The following CLSTN2 variants were observed in gnomAD, a reference collection of about 807,000 sequenced individuals.
CLSTN2 encodes calsyntenin 2.
In CLSTN2, 48 loss-of-function variants were observed where a neutral mutation model predicts 101.2. The observed-to-expected ratio is 0.47, with a 90% CI of 0.38 to 0.60. The LOEUF is 0.60. Ranked by LOEUF, CLSTN2 falls within the 20% of genes least tolerant of loss-of-function variation. The pLI is 0.00. For missense variants in CLSTN2, 1,160 were observed against 1,238.2 expected, an observed-to-expected ratio of 0.94 and a Z score of 0.95; for synonymous variants, 481 against 463.6, an observed-to-expected ratio of 1.04 and a Z score of -0.48.
intron 1 of CLSTN2, among the ~76,000 whole-genome samples, chr3:140,001,649 T>C (rs1489733029): frequency 1.3e-5 from 2 of 152,122 alleles, no homozygotes; most frequent in Non-Finnish European, 2.9e-5. Flanking sequence ...AAGCTATTTT[T>C]AAATGTACAA....
chr3:140,414,347 T>A (rs1041524501), intron 4 of CLSTN2, among the ~76,000 whole-genome samples: 1 of 152,060 alleles, frequency 6.6e-6, no homozygotes, highest in Non-Finnish European at 1.5e-5. Flanking sequence ...GTGAAATATC[T>A]GTACACAGAA....
chr3:140,110,356 T>C (rs2009133836), intron 1 of CLSTN2, among the ~76,000 whole-genome samples: 1 of 152,158 alleles, frequency 6.6e-6, no homozygotes, highest in African/African-American at 2.4e-5. Flanking sequence ...AAGAGAAACC[T>C]CAGAGCCTAT....
At chr3:140,444,172 G>A (rs1933024727) in intron 5 of CLSTN2, among the ~76,000 whole-genome samples, 1 of 152,198 alleles carries the variant, frequency 6.6e-6, no homozygotes. Context: ...TATGTGGCCT[G>A]TAATTCTAGC....
intron 1 of CLSTN2, among the ~76,000 whole-genome samples, chr3:140,104,213 G>A (rs539808420): frequency 3.3e-5 from 5 of 152,298 alleles, no homozygotes; most frequent in African/African-American, 7.2e-5. Flanking sequence ...GATGACCTGG[G>A]TTTTTCCACA....
intron 10 of CLSTN2, among the ~76,000 whole-genome samples, chr3:140,549,828 T>G (rs1251741365): frequency 1.3e-5 from 2 of 150,694 alleles, no homozygotes; most frequent in African/African-American, 4.9e-5. Flanking sequence ...CTTTTGTGAT[T>G]AAGGAAATTC....
At chr3:140,071,061 C>A (rs2008383502) in intron 1 of CLSTN2, among the ~76,000 whole-genome samples, 1 of 151,990 alleles carries the variant, frequency 6.6e-6, no homozygotes, top group East Asian at 1.9e-4. Flanking sequence ...TTTATAAATA[C>A]ACACTACTTA....
chr3:140,523,233 T>C (rs1215078965), intron 8 of CLSTN2, among the ~76,000 whole-genome samples: 1 of 152,208 alleles, frequency 6.6e-6, no homozygotes, highest in Non-Finnish European at 1.5e-5. Context: ...CAGTGTTTAT[T>C]CTGGGACCCG....
In CLSTN2 at chr3:140,466,778, G is replaced by T. The variant is rs773454188; in HGVS notation, c.1344+47G>T. ...TGCTGCTACTCATGCCTCTGCGGGG[G>T]TGGCCAGTCCAATCCAATGGTGATG... On this transcript the variant is annotated intron_variant, in intron 8 of 16. Transcript: ENST00000458420. The T allele has an allele frequency of 6.8e-6, 11 of 1,611,002 alleles. No individual in the cohort carries two copies. The East Asian group carries it at 1.8e-4, about 26-fold the overall frequency.
chr3:140,427,183 AAATAT>A (rs1364528633), intron 5 of CLSTN2, among the ~76,000 whole-genome samples: 4,701 of 83,618 alleles, frequency 0.056, 460 homozygotes, highest in African/African-American at 0.29. Context: ...CAAAAAAAAA[AAATAT>A]ATATATATAT....
In CLSTN2 at chr3:140,305,277, G is replaced by T. The variant is rs2087101834; in HGVS notation, c.233-98352G>T. Among the ~76,000 whole-genome samples, 6 of 152,070 alleles carry T rather than the reference G, an allele frequency of 3.9e-5. No homozygotes were observed. In the South Asian group the frequency reaches 1.2e-3, roughly 32 times the overall value. ...ATATATTATATAATAGCCTGTTCATGCTCATTTCCAACAAGGAGCAAAATT... is the reference window on the plus strand; with the variant it reads ...ATATATTATATAATAGCCTGTTCATTCTCATTTCCAACAAGGAGCAAAATT... On this transcript the variant is annotated intron_variant, in intron 2 of 16. Transcript: ENST00000458420.
intron 5 of CLSTN2, among the ~76,000 whole-genome samples, chr3:140,426,435 T>C (rs937446179): frequency 1.3e-5 from 2 of 152,244 alleles, no homozygotes; most frequent in African/African-American, 4.8e-5. Context: ...GCTCCATCCA[T>C]GTCCCTGCAA....
At chr3:140,157,356 C>T (rs529770788) in intron 1 of CLSTN2, among the ~76,000 whole-genome samples, 1 of 152,216 alleles carries the variant, frequency 6.6e-6, no homozygotes, top group African/African-American at 2.4e-5. Flanking sequence ...AGCTGTGAAT[C>T]CATCTGGTCT....
At chr3:139,970,445 A>G (rs895562518) in intron 1 of CLSTN2, among the ~76,000 whole-genome samples, 1 of 152,230 alleles carries the variant, frequency 6.6e-6, no homozygotes, top group Non-Finnish European at 1.5e-5. Flanking sequence ...CTAGTTCTAA[A>G]ATACAAAACA....
intron 2 of CLSTN2, among the ~76,000 whole-genome samples, chr3:140,178,992 T>C (rs1369381180): frequency 6.6e-6 from 1 of 152,056 alleles, no homozygotes; most frequent in South Asian, 2.1e-4. Flanking sequence ...CCCCCTTTAA[T>C]TTTTTTTAAG....
At chr3:140,367,556 C>T (rs2087806520) in intron 2 of CLSTN2, among the ~76,000 whole-genome samples, 1 of 147,194 alleles carries the variant, frequency 6.8e-6, no homozygotes, top group African/African-American at 2.5e-5. Flanking sequence ...AATTCAGCTA[C>T]AGGGAAATGT....
At chr3:140,171,803 GTATTATA>G (rs1432897584) in intron 1 of CLSTN2, among the ~76,000 whole-genome samples, 7,402 of 90,904 alleles carry the variant, frequency 0.081, 969 homozygotes, top group African/African-American at 0.28. Context: ...TATATAATAT[GTATTATA>G]TATTATATAT....
At chr3:140,470,526 G>A (rs1933817697) in intron 8 of CLSTN2, among the ~76,000 whole-genome samples, 1 of 152,250 alleles carries the variant, frequency 6.6e-6, no homozygotes, top group Non-Finnish European at 1.5e-5. Context: ...GTGGGGCATA[G>A]GCATAGGCAT....
intron 12 of CLSTN2, among the ~76,000 whole-genome samples, chr3:140,560,806 CAAG>C (rs1935897018): frequency 6.6e-6 from 1 of 152,028 alleles, no homozygotes; most frequent in Non-Finnish European, 1.5e-5. Flanking sequence ...CCAGACCTGA[CAAG>C]AAGCCGGCAA....
At chr3:140,499,153 A>C (rs1934523251) in intron 8 of CLSTN2, among the ~76,000 whole-genome samples, 1 of 152,158 alleles carries the variant, frequency 6.6e-6, no homozygotes, top group Admixed American at 6.5e-5. Flanking sequence ...TATGGTTATA[A>C]ATTTTGCTAG....
Sources: allele counts gnomAD v4.1 joint callset (sites outside exome capture counted in the v4.1 genomes callset), GRCh38; gene constraint gnomAD v4.1.1; transcripts MANE v1.5; gene names NCBI Gene and HGNC (gene_info 2026-07-23, HGNC 2026-07-21).